The following APTX variants were observed in gnomAD, a reference collection of about 807,000 sequenced individuals.
The protein encoded by APTX is aprataxin, also known as forkhead-associated domain histidine triad-like protein.
A neutral mutation model predicts 42.3 loss-of-function variants in APTX; 33 were observed. That is an observed-to-expected ratio of 0.78 (90% CI 0.59 to 1.04). The LOEUF (loss-of-function observed/expected upper bound fraction) is 1.04. APTX is among the 50% of genes least tolerant of loss of function. APTX has a pLI of 0.00. For missense variants in APTX, 421 were observed against 415.1 expected, an observed-to-expected ratio of 1.01 and a Z score of -0.12; for synonymous variants, 130 against 146.7, an observed-to-expected ratio of 0.89 and a Z score of 0.82.
At chr9:33,018,740 G>A (rs555497794) in intron 1 of APTX, among the ~76,000 whole-genome samples, 4 of 151,958 alleles carry the variant, frequency 2.6e-5, no homozygotes, top group East Asian at 3.9e-4. Context: ...TTAGCCAGGC[G>A]TGGTGGCAGG....
rs1828320464 is a variant in APTX, at chr9:32,972,633, T to C, written c.*865A>G. On this transcript the variant is annotated 3_prime_UTR_variant, in exon 8 of 8. Transcript: ENST00000379817. Reference sequence around the variant, plus strand: ...AATACAACTGTTTTATCCAAATTTATTCTCAGGGAAAAAGAAAGTAGTGGC... The same window carrying C: ...AATACAACTGTTTTATCCAAATTTACTCTCAGGGAAAAAGAAAGTAGTGGC... The C allele has an allele frequency of 2.5e-6, 1 of 395,046 alleles. No individual in the cohort carries two copies. Among genetic ancestry groups the C allele is most frequent in the African/African-American group, 2.1e-5 (1 of 47,786 alleles). 24.5% of individuals were successfully genotyped at this position (395,046 alleles called of 1,614,324 possible).
intron 1 of APTX, among the ~76,000 whole-genome samples, chr9:33,020,449 T>C (rs1469008913): frequency 6.6e-6 from 1 of 152,266 alleles, no homozygotes; most frequent in Non-Finnish European, 1.5e-5. Flanking sequence ...TCATCATTTC[T>C]GATCTCATCG....
intron 1 of APTX, among the ~76,000 whole-genome samples, chr9:33,012,948 T>C (rs570035294): frequency 1.3e-5 from 2 of 152,296 alleles, no homozygotes; most frequent in Admixed American, 6.5e-5. Flanking sequence ...CTTGTGTAAA[T>C]GTTAATGTCT....
At position 32,972,857 on chromosome 9, in the gene APTX, C is replaced by T. The variant is rs1260466492; in HGVS notation, c.*641G>A. The T allele has an allele frequency of 2.2e-6, 1 of 454,082 alleles. No homozygotes were observed. Among genetic ancestry groups the T allele is most frequent in the Non-Finnish European group, 4.4e-6 (1 of 226,788 alleles). The allele number at this position is 454,082 out of a possible 1,614,324, so 28.1% of individuals were successfully genotyped here. Reference sequence around the variant, plus strand: ...GTGGCTGTTTCCTCACAGCCAGGAACCCTCGGTATTAGAAGAAAACTCCAA... The same window carrying T: ...GTGGCTGTTTCCTCACAGCCAGGAATCCTCGGTATTAGAAGAAAACTCCAA... On this transcript the variant is annotated 3_prime_UTR_variant, in exon 8 of 8. Transcript: ENST00000379817.
At position 33,019,419 on chromosome 9, in the gene APTX, A is replaced by C. The variant is rs144284710; in HGVS notation, c.-5+5604T>G. Among the ~76,000 whole-genome samples the C allele has an allele frequency of 2.4e-3, 358 of 152,330 alleles. 1 individual carries two copies. Among genetic ancestry groups the C allele is most frequent in the Non-Finnish European group, 3.8e-3 (260 of 68,026 alleles). The stretch of plus-strand genomic sequence containing the variant: ...AAGAAATTTAAATTAATTTATACAA[A>C]CATAAAAAATAGCATTTCAGTTAGG... On this transcript the variant is annotated intron_variant, in intron 1 of 6. Transcript: ENST00000436040.
At chr9:32,989,699 T>C in intron 2 of APTX, 60 bp downstream of exon 2, 2 of 1,611,934 alleles carry the variant, frequency 1.2e-6, no homozygotes, top group East Asian at 2.2e-5. Flanking sequence ...AAAATATGCA[T>C]CTTTGGTTAT....
chr9:33,021,326 A>T (rs914938615), intron 1 of APTX, among the ~76,000 whole-genome samples: 1 of 152,206 alleles, frequency 6.6e-6, no homozygotes, highest in African/African-American at 2.4e-5. Flanking sequence ...GACATTTTAA[A>T]TGTGTTAATT....
chr9:33,003,930 G>GAATAATATCCAAATA (rs1480577541), upstream of APTX, among the ~76,000 whole-genome samples: 33 of 152,166 alleles, frequency 2.2e-4, no homozygotes, highest in Admixed American at 8.5e-4. Flanking sequence ...TTTGGCTATT[G>GAATAATATCCAAATA]TGAATAATGC....
chr9:32,983,457 C>T (rs928214064), intron 6 of APTX, among the ~76,000 whole-genome samples: 15 of 152,266 alleles, frequency 9.9e-5, no homozygotes, highest in African/African-American at 3.1e-4. Context: ...AGATTATACA[C>T]GCTTATGAAA....
intron 1 of APTX, among the ~76,000 whole-genome samples, chr9:33,017,383 T>C (rs7852206): frequency 0.56 from 85,223 of 152,010 alleles, 24,478 homozygotes; most frequent in African/African-American, 0.7. Context: ...AGGATCAAGG[T>C]ACCAGCTGAA....
intron 1 of APTX, among the ~76,000 whole-genome samples, chr9:33,024,275 A>C (rs1481085061): frequency 6.6e-6 from 1 of 152,210 alleles, no homozygotes; most frequent in Non-Finnish European, 1.5e-5. Flanking sequence ...GGCGTCCCAA[A>C]GTGCTGGGAT....
At chr9:32,996,126 T>G (rs1191915646) in intron 1 of APTX, among the ~76,000 whole-genome samples, 1 of 152,196 alleles carries the variant, frequency 6.6e-6, no homozygotes, top group Non-Finnish European at 1.5e-5. Flanking sequence ...CAGTATAGTA[T>G]AAACATAACT....
chr9:33,000,844 TC>T (rs1320975068), intron 1 of APTX, among the ~76,000 whole-genome samples: 65 of 129,286 alleles, frequency 5.0e-4, no homozygotes, highest in African/African-American at 1.7e-3. Flanking sequence ...TTTTTTTTTT[TC>T]TTTTTTTTTT....
intron 6 of APTX, among the ~76,000 whole-genome samples, chr9:32,983,753 A>G (rs1831244583): frequency 6.6e-6 from 1 of 152,246 alleles, no homozygotes; most frequent in Non-Finnish European, 1.5e-5. Context: ...CAGTCACAAA[A>G]GGACAAATAT....
At position 33,012,721 on chromosome 9, in the gene APTX, C is replaced by T. The variant is rs12685492; in HGVS notation, c.-5+12302G>A. Among the ~76,000 whole-genome samples the T allele has an allele frequency of 2.6e-5, 4 of 152,202 alleles. No individual in the cohort carries two copies. The East Asian group carries it at 7.7e-4, about 29-fold the overall frequency. On this transcript the variant is annotated intron_variant, in intron 1 of 6. Coordinates refer to the APTX transcript ENST00000436040. ...ACAGAACAGAGATGCACTATCCCTGCTAAGCCCTGCCCCAACTGCGGAATT... is the reference window on the plus strand; with the variant it reads ...ACAGAACAGAGATGCACTATCCCTGTTAAGCCCTGCCCCAACTGCGGAATT...
At chr9:32,990,154 A>C in intron 1 of APTX, 1 of 462,666 alleles carries the variant, frequency 2.2e-6, no homozygotes, top group Non-Finnish European at 3.8e-6. Flanking sequence ...TCAAATATTT[A>C]TTACACATTT....
chr9:32,973,306 C>T lies in APTX; in HGVS notation c.*192G>A, dbSNP rs1289032022. ...CCCTCACCAGAGAATACATCTATGA[C>T]AAACCCAAATTCCTAATCCTGAAGT... On this transcript the variant is annotated 3_prime_UTR_variant, in exon 8 of 8. Coordinates refer to ENST00000379817, the MANE Select transcript of APTX (RefSeq NM_001195248.2). 1.4e-6 allele frequency: 1 copy of T among 726,574 alleles called. No homozygotes were observed. Among genetic ancestry groups the T allele is most frequent in the Admixed American group, 2.0e-5 (1 of 49,196 alleles). 45.0% of individuals were successfully genotyped at this position (726,574 alleles called of 1,614,324 possible). A position where few individuals can be genotyped will look rare whatever the true frequency, so the allele number is the denominator to read the frequency against.
At position 32,981,660 on chromosome 9, in the gene APTX, C is replaced by T. The variant is rs372186896; in HGVS notation, c.770+2971G>A. On this transcript the variant is annotated intron_variant, in intron 6 of 7. Transcript: ENST00000379817. ...AAGGCGTATCTAAGTGACACAAGAG[C>T]TGACCTAAAGGAGCTTTCAATAACC... Among the ~76,000 whole-genome samples, 6 of 152,258 alleles carry T rather than the reference C, an allele frequency of 3.9e-5. No homozygotes were observed. In the East Asian group the frequency reaches 7.7e-4, roughly 20 times the overall value.
chr9:33,023,107 G>A (rs1838524286), intron 1 of APTX, among the ~76,000 whole-genome samples: 1 of 152,092 alleles, frequency 6.6e-6, no homozygotes, highest in Non-Finnish European at 1.5e-5. Context: ...GGGATTACAG[G>A]CTTGAGCCAC....
Sources: allele counts gnomAD v4.1 joint callset (sites outside exome capture counted in the v4.1 genomes callset), GRCh38; gene constraint gnomAD v4.1.1; transcripts MANE v1.5; gene names NCBI Gene and HGNC (gene_info 2026-07-23, HGNC 2026-07-21).